The following HECTD4 variants were observed in gnomAD, a reference collection of about 807,000 sequenced individuals.
The protein encoded by HECTD4 is HECT domain E3 ubiquitin protein ligase 4, also known as probable E3 ubiquitin-protein ligase HECTD4.
A neutral mutation model predicts 471.5 loss-of-function variants in HECTD4; 114 were observed. The observed-to-expected ratio is 0.24, with a 90% CI of 0.21 to 0.28. The LOEUF is 0.28. HECTD4 is among the 10% of genes least tolerant of loss of function. The pLI, the probability that HECTD4 is intolerant of heterozygous loss-of-function variation, is 1.00. For synonymous variants in HECTD4, 2,012 were observed against 2,256.0 expected (o/e 0.89, Z 3.07); for missense variants, 3,866 against 5,651.5 (o/e 0.68, Z 10.13).
chr12:112,335,292 C>T (rs960937246), intron 1 of HECTD4, among the ~76,000 whole-genome samples: 1 of 152,118 alleles, frequency 6.6e-6, no homozygotes, highest in African/African-American at 2.4e-5. Context: ...GAAAACCAAA[C>T]ATCGTATGTT....
intron 20 of HECTD4, among the ~76,000 whole-genome samples, chr12:112,257,306 T>C (rs1485360471): frequency 6.6e-6 from 1 of 152,232 alleles, no homozygotes; most frequent in African/African-American, 2.4e-5. Flanking sequence ...TAACTACCTG[T>C]GGCTATGGAA....
At chr12:112,199,357 C>T (rs1032556177) in intron 55 of HECTD4, among the ~76,000 whole-genome samples, 3 of 152,160 alleles carry the variant, frequency 2.0e-5, no homozygotes, top group Non-Finnish European at 2.9e-5. Context: ...ATCACCCAAA[C>T]GCTGCAATGC....
intron 21 of HECTD4, among the ~76,000 whole-genome samples, chr12:112,254,605 C>T (rs1213855505): frequency 6.6e-6 from 1 of 151,842 alleles, no homozygotes; most frequent in Admixed American, 6.6e-5. Context: ...TTATATCTAA[C>T]ACAACAACAA....
chr12:112,198,562 G>A (rs547403655), intron 55 of HECTD4, among the ~76,000 whole-genome samples: 3 of 152,304 alleles, frequency 2.0e-5, no homozygotes, highest in East Asian at 1.9e-4. Context: ...GAATGGAGAC[G>A]TGTGCAGATG....
Position 112,179,205 on chromosome 12 carries a change from G to C in HECTD4, c.11180C>G (p.Pro3727Arg). 6.2e-7 allele frequency: 1 copy of C among 1,613,826 alleles called. No homozygotes were observed. The highest frequency in any genetic ancestry group is 8.5e-7 in the Non-Finnish European group (1 of 1,179,846). Residue 3727 changes from proline to arginine, a missense_variant, in exon 63 of 76, where the codon CCA becomes CGA. Transcript: ENST00000682272. This position sits in a 1 kb window ranked among gnomAD's most constrained non-coding sequence, Gnocchi z 4.3. Reference sequence around the variant, plus strand: ...GAGCTGATCCTCCAGCACCTTTTTTGGCGGCCGGACATTGGTGAAGAAGAG... The same window carrying C: ...GAGCTGATCCTCCAGCACCTTTTTTCGCGGCCGGACATTGGTGAAGAAGAG... ...LHLFFTNVRP[P>R]KKVLEDQLTQ...
intron 55 of HECTD4, among the ~76,000 whole-genome samples, chr12:112,196,867 C>T (rs1346243867): frequency 1.3e-5 from 2 of 151,326 alleles, no homozygotes; most frequent in East Asian, 3.9e-4. Flanking sequence ...GTGATCTCGG[C>T]TCACTGCAAA....
At chr12:112,210,391 G>A (rs948524203) in intron 49 of HECTD4, 139 bp from the exon 50 acceptor site, 6 of 848,084 alleles carry the variant, frequency 7.1e-6, no homozygotes, top group East Asian at 5.2e-5. Context: ...CCAGGTGGGG[G>A]CTGGAGGGAC....
At chr12:112,248,603 C>T in intron 25 of HECTD4, 91 bp from the exon 26 acceptor site, 1 of 870,132 alleles carries the variant, frequency 1.1e-6, no homozygotes, top group Non-Finnish European at 1.7e-6. Context: ...TCTTTAGAGA[C>T]AAGGTCTCCC....
At chr12:112,244,182 ATTAGG>A (rs2135581077) in intron 29 of HECTD4, among the ~76,000 whole-genome samples, 173 bp from the exon 30 acceptor site, 1 of 151,958 alleles carries the variant, frequency 6.6e-6, no homozygotes, top group African/African-American at 2.4e-5. Flanking sequence ...TAACCTAAGT[ATTAGG>A]TTAAAAATTA....
chr12:112,250,952 A>C lies in HECTD4; in HGVS notation c.3716+19T>G, dbSNP rs1566087521. Reference sequence around the variant, plus strand: ...TTCCTTTGCAGGCAACACTAGCTCAATTTCAACCTTTTTGTTACCTTTGTA... The same window carrying C: ...TTCCTTTGCAGGCAACACTAGCTCACTTTCAACCTTTTTGTTACCTTTGTA... On this transcript the variant is annotated intron_variant, in intron 24 of 75. Coordinates refer to ENST00000682272, the MANE Select transcript of HECTD4 (RefSeq NM_001388303.1). 1 of 1,596,200 alleles carries C rather than the reference A, an allele frequency of 6.3e-7. No individual in the cohort carries two copies. Among genetic ancestry groups the C allele is most frequent in the Non-Finnish European group, 8.5e-7 (1 of 1,171,582 alleles).
chr12:112,333,828 A>G (rs1392559045), intron 1 of HECTD4, among the ~76,000 whole-genome samples: 2 of 152,246 alleles, frequency 1.3e-5, no homozygotes, highest in Admixed American at 6.5e-5. Context: ...ATTGCTTAAT[A>G]TAAGGAGAAA....
intron 19 of HECTD4, 131 bp from the exon 20 acceptor site, chr12:112,258,727 T>A (rs958088033): frequency 8.7e-6 from 6 of 686,360 alleles, no homozygotes; most frequent in Admixed American, 3.4e-5. Flanking sequence ...CATTAAGAAA[T>A]GCTGTGCTAC....
Position 112,162,438 on chromosome 12 carries a change from C to A in HECTD4, c.13206G>T (p.Leu4402=), listed in dbSNP as rs750348704. ...AGTGAATGGCACAACGAAGTTTCTC[C>A]AGCATGATTTCCAGAGAGGAGTACT... ...LPQYSSLEIM[L]EKLRCAIHYR... is the part of the protein sequence containing the mutation. Residue 4402 remains leucine, a synonymous_variant, in exon 76 of 76, where the codon CTG becomes CTT. Transcript: ENST00000682272. The surrounding 1 kb of genome is among the most constrained non-coding windows in gnomAD (Gnocchi z 5.2). 6.2e-7 allele frequency: 1 copy of A among 1,614,064 alleles called. No homozygotes were observed. The highest frequency in any genetic ancestry group is 1.1e-5 in the South Asian group (1 of 91,086).
Position 112,176,846 on chromosome 12 carries a change from G to A in HECTD4, c.11364-144C>T, listed in dbSNP as rs77848356. On this transcript the variant is annotated intron_variant, in intron 64 of 75. Transcript: ENST00000682272. ...AGATAGGGCGGGGGCGTTCAAGACC[G>A]CCTTTGTTCTGAGTGAGAAAAGTTC... 694 of 649,108 alleles carry A rather than the reference G, an allele frequency of 1.1e-3. 1 individual carries two copies. In the African/African-American group the frequency reaches 0.011, roughly 10 times the overall value. 40.2% of individuals were successfully genotyped at this position (649,108 alleles called of 1,614,324 possible).
At position 112,161,241 on chromosome 12, in the gene HECTD4, C is replaced by T. The variant is rs888101335; in HGVS notation, c.*1146G>A. ...GAACAAAGTACCACTGGACAAAGAC[C>T]TATTTGGGGCAAAGATGCAGTGGGT... is the stretch of plus-strand genomic sequence containing the variant. On this transcript the variant is annotated 3_prime_UTR_variant, in exon 76 of 76. Coordinates refer to ENST00000682272, the MANE Select transcript of HECTD4 (RefSeq NM_001388303.1). 7.3e-6 allele frequency: 1 copy of T among 137,120 alleles called. No individual in the cohort carries two copies. The highest frequency in any genetic ancestry group is 1.5e-5 in the Non-Finnish European group (1 of 66,662). The allele number at this position is 137,120 out of a possible 1,614,324, so 8.5% of individuals were successfully genotyped here.
intron 1 of HECTD4, among the ~76,000 whole-genome samples, chr12:112,334,446 G>A (rs1198928279): frequency 6.6e-6 from 1 of 151,360 alleles, no homozygotes; most frequent in African/African-American, 2.4e-5. Context: ...CATCACTAAT[G>A]ATCAGGGAAA....
chr12:112,360,608 G>C (rs2036431694), intron 1 of HECTD4, among the ~76,000 whole-genome samples: 1 of 152,166 alleles, frequency 6.6e-6, no homozygotes, highest in Non-Finnish European at 1.5e-5. Context: ...TTGCAAAAAT[G>C]TTTTAAATTC....
intron 1 of HECTD4, among the ~76,000 whole-genome samples, chr12:112,345,759 G>A (rs1441282332): frequency 6.6e-6 from 1 of 152,088 alleles, no homozygotes; most frequent in Admixed American, 6.5e-5. Flanking sequence ...GCCGGGCATG[G>A]TGGCGGGCAC....
Position 112,191,288 on chromosome 12 carries a change from A to G in HECTD4, c.9293-323T>C, listed in dbSNP as rs530881234. 2.0e-5 allele frequency among the ~76,000 whole-genome samples: 3 copies of G among 152,348 alleles called. No individual in the cohort carries two copies. The South Asian group carries it at 6.2e-4, about 32-fold the overall frequency. On this transcript the variant is annotated intron_variant, in intron 59 of 75. Coordinates refer to ENST00000682272, the MANE Select transcript of HECTD4 (RefSeq NM_001388303.1). ...AATGGGGAAAGTAAGTAACACTTTA[A>G]AAGATGCCTCACTGGGATATTCCCA...
Sources: gnomAD v4.1 joint callset for allele counts (sites outside exome capture counted in the v4.1 genomes callset) on GRCh38, gnomAD v4.1.1 for gene constraint, Gnocchi (gnomAD v3.1) non-coding constraint, MANE v1.5 for transcripts, NCBI Gene and HGNC (gene_info 2026-07-23, HGNC 2026-07-21) for gene names.